The following MAGI2 variants were observed in gnomAD, a reference collection of about 807,000 sequenced individuals.
MAGI2 encodes the protein membrane associated guanylate kinase, WW and PDZ domain containing 2, also known as membrane-associated guanylate kinase, WW and PDZ domain-containing protein 2.
MAGI2 carries 35 observed loss-of-function variants against 133.3 expected under a neutral mutation model. The ratio of observed to expected loss-of-function variants is 0.26; its 90% CI spans 0.20 to 0.35. MAGI2 has a LOEUF of 0.35. Ranked by LOEUF, MAGI2 falls within the 10% of genes least tolerant of loss-of-function variation. The probability of loss-of-function intolerance (pLI) is 1.00; values close to 1 mark genes in which losing one functional copy is unlikely to be tolerated. For synonymous variants in MAGI2, 729 were observed against 710.6 expected (o/e 1.03, Z -0.41); for missense variants, 1,636 against 1,863.4 (o/e 0.88, Z 2.25).
intron 9 of MAGI2, among the ~76,000 whole-genome samples, chr7:78,268,429 C>T (rs555692676): frequency 1.2e-4 from 18 of 152,114 alleles, no homozygotes; most frequent in African/African-American, 3.6e-4. Flanking sequence ...GAACAATAAC[C>T]GTATGCCAAG....
intron 1 of MAGI2, among the ~76,000 whole-genome samples, chr7:79,361,740 T>C (rs1842390588): frequency 6.6e-6 from 1 of 152,142 alleles, no homozygotes; most frequent in Admixed American, 6.6e-5. Flanking sequence ...ATATAGGATA[T>C]ATTCTTTTAA....
intron 21 of MAGI2, among the ~76,000 whole-genome samples, chr7:78,058,091 C>G (rs1683681171): frequency 6.7e-6 from 1 of 150,024 alleles, no homozygotes; most frequent in Non-Finnish European, 1.5e-5. Flanking sequence ...TAAGGAATAG[C>G]AAAAAGACCC....
chr7:79,022,401 C>T (rs964133988), intron 1 of MAGI2, among the ~76,000 whole-genome samples: 5 of 152,034 alleles, frequency 3.3e-5, no homozygotes, highest in Non-Finnish European at 7.4e-5. Context: ...GTTTATAGTG[C>T]TAAACACCCA....
At chr7:79,055,108 A>G (rs1380601058) in intron 1 of MAGI2, among the ~76,000 whole-genome samples, 2 of 152,054 alleles carry the variant, frequency 1.3e-5, no homozygotes, top group African/African-American at 2.4e-5. Context: ...TGCCTGTCCT[A>G]TCTTTATGCT....
At chr7:79,193,579 G>A (rs1827842491) in intron 1 of MAGI2, among the ~76,000 whole-genome samples, 1 of 151,722 alleles carries the variant, frequency 6.6e-6, no homozygotes, top group Admixed American at 6.6e-5. Context: ...AAAATGAATG[G>A]TAAAATGCAT....
intron 1 of MAGI2, among the ~76,000 whole-genome samples, chr7:79,443,097 C>A (rs752603476): frequency 6.6e-6 from 1 of 152,012 alleles, no homozygotes; most frequent in Non-Finnish European, 1.5e-5. Flanking sequence ...CATGGTAAAA[C>A]CCCATCTCTA....
At chr7:78,331,628 G>C (rs971707661) in intron 9 of MAGI2, among the ~76,000 whole-genome samples, 1 of 152,110 alleles carries the variant, frequency 6.6e-6, no homozygotes, top group Non-Finnish European at 1.5e-5. Context: ...AGTATAAAAA[G>C]ATGATGTTAA....
intron 1 of MAGI2, among the ~76,000 whole-genome samples, chr7:79,151,596 CT>C (rs145737670): frequency 0.031 from 4,672 of 152,176 alleles, 94 homozygotes; most frequent in African/African-American, 0.041. Context: ...GAAATACCCC[CT>C]GGACATTGAA....
chr7:79,218,215 TG>T (rs1830180805), intron 1 of MAGI2, among the ~76,000 whole-genome samples: 2 of 152,140 alleles, frequency 1.3e-5, no homozygotes, highest in African/African-American at 4.8e-5. Flanking sequence ...TTGTATTCCA[TG>T]ACCTTATATA....
chr7:78,456,138 C>T (rs1464603023), intron 6 of MAGI2, among the ~76,000 whole-genome samples: 1 of 151,778 alleles, frequency 6.6e-6, no homozygotes, highest in East Asian at 1.9e-4. Flanking sequence ...TGCAACAAGC[C>T]AGGAGTCATA....
chr7:78,486,638 C>A, intron 6 of MAGI2: 1 of 322,300 alleles, frequency 3.1e-6, no homozygotes, highest in South Asian at 3.6e-5. Flanking sequence ...GGAGGAATAT[C>A]AGTCCCTTAT....
rs557226195 is a variant in MAGI2 at position 78,823,389 on chromosome 7, C to G, written c.418+183701G>C. The stretch of plus-strand genomic sequence containing the variant: ...ACGAGGTCAGGAGATCGAGACTATC[C>G]TGGCTAACATGGTGAAACCCCACCT... On this transcript the variant is annotated intron_variant, in intron 2 of 21. Transcript: ENST00000354212. Among the ~76,000 whole-genome samples the G allele has an allele frequency of 9.8e-4, 149 of 152,090 alleles. 1 individual carries two copies. Among genetic ancestry groups the G allele is most frequent in the African/African-American group, 3.4e-3 (143 of 41,532 alleles).
At chr7:79,339,148 T>A (rs1840701716) in intron 1 of MAGI2, among the ~76,000 whole-genome samples, 1 of 152,140 alleles carries the variant, frequency 6.6e-6, no homozygotes, top group African/African-American at 2.4e-5. Context: ...AAAAATATAT[T>A]CACCTCATTA....
chr7:78,511,409 T>C (rs1039082611), intron 4 of MAGI2, among the ~76,000 whole-genome samples: 1 of 151,828 alleles, frequency 6.6e-6, no homozygotes, highest in African/African-American at 2.4e-5. Flanking sequence ...TTGTCAATTA[T>C]TGCTCAAAGA....
chr7:79,292,770 CAAAAAAAA>C (rs199933554), intron 1 of MAGI2, among the ~76,000 whole-genome samples: 86 of 57,404 alleles, frequency 1.5e-3, no homozygotes, highest in Non-Finnish European at 2.0e-3. Flanking sequence ...TCAATTTCTG[CAAAAAAAA>C]AAAAAAAAAA....
chr7:79,425,610 GTA>G (rs1847309576), intron 1 of MAGI2, among the ~76,000 whole-genome samples: 1 of 146,416 alleles, frequency 6.8e-6, no homozygotes, highest in Non-Finnish European at 1.5e-5. Context: ...GTATATATAT[GTA>G]TATATACGTT....
chr7:78,548,536 A>T (rs1289316499), intron 3 of MAGI2, among the ~76,000 whole-genome samples: 1 of 152,106 alleles, frequency 6.6e-6, no homozygotes, highest in African/African-American at 2.4e-5. Flanking sequence ...CTCTATTAAA[A>T]ATACAAAAAT....
At chr7:78,994,461 A>T (rs1395788663) in intron 2 of MAGI2, among the ~76,000 whole-genome samples, 1 of 151,978 alleles carries the variant, frequency 6.6e-6, no homozygotes, top group Non-Finnish European at 1.5e-5. Flanking sequence ...ACCCACTACC[A>T]TTTTCATGAT....
At chr7:78,559,113 T>C (rs1445580450) in intron 3 of MAGI2, among the ~76,000 whole-genome samples, 3 of 115,236 alleles carry the variant, frequency 2.6e-5, no homozygotes, top group East Asian at 2.8e-4. Flanking sequence ...ACTCTACTTT[T>C]AGGAGCTTGC....
Sources: gnomAD v4.1 joint callset for allele counts (sites outside exome capture counted in the v4.1 genomes callset) on GRCh38, gnomAD v4.1.1 for gene constraint, MANE v1.5 for transcripts, NCBI Gene and HGNC (gene_info 2026-07-23, HGNC 2026-07-21) for gene names.